Variants in PRAMEF1 observed in about 807,000 individuals in gnomAD.
PRAMEF1 encodes the protein PRAME family member 1.
A neutral mutation model predicts 38.2 loss-of-function variants in PRAMEF1; 21 were observed. The ratio of observed to expected loss-of-function variants is 0.55; its 90% CI spans 0.39 to 0.79. The LOEUF is 0.79. Ranked by LOEUF, PRAMEF1 falls within the 30% of genes least tolerant of loss-of-function variation. The pLI, the probability that PRAMEF1 is intolerant of heterozygous loss-of-function variation, is 0.00. For missense variants in PRAMEF1, 497 were observed against 565.8 expected (o/e 0.88, Z 1.23); for synonymous variants, 200 against 229.0 (o/e 0.87, Z 1.14).
rs1063780 is a variant in PRAMEF1, at chr1:12,794,400, A to G, written c.773A>G (p.Lys258Arg). The change falls in exon 3 of 4, where the codon AAA becomes AGA. Residue 258 changes from lysine to arginine, a missense_variant. Transcript: ENST00000332296. ...DNELEGRLVA[K>R]FSSVFLRLEH... is the part of the protein sequence containing the mutation. ...GAACTCGAAGGACGGTTAGTTGCCA[A>G]ATTCAGCTCTGTGTTCCTCAGGCTG... 7.4e-6 allele frequency: 12 copies of G among 1,610,790 alleles called. No individual in the cohort carries two copies. The highest frequency in any genetic ancestry group is 2.2e-5 in the East Asian group (1 of 44,502).
At position 12,795,604 on chromosome 1, in the gene PRAMEF1, G is replaced by A. The variant is rs762671268; in HGVS notation, c.1033G>A (p.Glu345Lys). 9.3e-6 allele frequency: 15 copies of A among 1,611,934 alleles called. No individual in the cohort carries two copies. Among genetic ancestry groups the A allele is most frequent in the Non-Finnish European group, 1.3e-5 (15 of 1,179,790 alleles). Residue 345 changes from glutamate to lysine, a missense_variant, in exon 4 of 4, where the codon GAG (glutamate) becomes AAG (lysine). By Grantham distance (56) the Glu-to-Lys change is moderately conservative. Around this residue, in one of 2 missense-constraint regions of PRAMEF1, gnomAD observed 470 missense variants for 501.9 expected, o/e 0.94. Coordinates refer to ENST00000332296, the MANE Select transcript of PRAMEF1 (RefSeq NM_023013.4). Reference sequence around the variant, plus strand: ...TCTTGAACCCCTCGGAGCTCTGCTGGAGAAAATTGCTGCCTCTCTCAAAAC... The same window carrying A: ...TCTTGAACCCCTCGGAGCTCTGCTGAAGAAAATTGCTGCCTCTCTCAAAAC... ...ISLEPLGALL[E>K]KIAASLKTLI...
Position 12,795,446 on chromosome 1 carries a change from A to G in PRAMEF1, c.875A>G (p.Gln292Arg). 6.2e-7 allele frequency: 1 copy of G among 1,611,452 alleles called. No homozygotes were observed. The highest frequency in any genetic ancestry group is 8.5e-7 in the Non-Finnish European group (1 of 1,178,562). ...GHLEQLIRCL[Q>R]NPLENLELTY... ...CTTCTTGATCTCCACAGGTGCCTCC[A>G]GAACCCCTTGGAGAACTTGGAATTA... The change falls in exon 4 of 4, where the codon CAG (glutamine) becomes CGG (arginine). Residue 292 changes from glutamine to arginine, a missense_variant. By Grantham distance (43) the Gln-to-Arg change is conservative. This residue lies in a region of PRAMEF1 where 470 missense variants were observed against 501.9 expected (regional missense o/e 0.94). Coordinates refer to ENST00000332296, the MANE Select transcript of PRAMEF1 (RefSeq NM_023013.4).
In PRAMEF1 at chr1:12,792,123, G is replaced by A. The variant is rs577006348; in HGVS notation, c.-26+649G>A. On this transcript the variant is annotated intron_variant, in intron 1 of 3. Coordinates refer to ENST00000332296, the MANE Select transcript of PRAMEF1 (RefSeq NM_023013.4). ...TGAAATTTCTGCCTCCTAGTTACAT[G>A]CGATTCTCCTGCTTCAGCCTCCTGA... Among the ~76,000 whole-genome samples, 433 of 150,900 alleles carry A rather than the reference G, an allele frequency of 2.9e-3. 13 individuals carry two copies. Among genetic ancestry groups the A allele is most frequent in the African/African-American group, 0.01 (418 of 41,212 alleles).
chr1:12,793,887 C>T (rs1639339589), intron 2 of PRAMEF1, 28 bp from the exon 3 acceptor site: 2 of 1,604,794 alleles, frequency 1.2e-6, no homozygotes, highest in African/African-American at 2.7e-5. Context: ...CTTCTAAATT[C>T]TGAGTCTCTC....
In PRAMEF1 at chr1:12,793,262, TG is replaced by T. The variant is rs1457906615; in HGVS notation, c.37del (p.Ala13GlnfsTer6). ...CAGGCCCCACCCAGACTACTGGAGC[TG>T]GCAGGGCAGAGCCTGCTGAGAGACC... ...SIQAPPRLLE[L>X]AGQSLLRDQA... On this transcript the variant is annotated frameshift_variant, in exon 2 of 4. Coordinates refer to ENST00000332296, the MANE Select transcript of PRAMEF1 (RefSeq NM_023013.4). LOFTEE classifies it high-confidence loss of function. 6.2e-7 allele frequency: 1 copy of T among 1,607,200 alleles called. No homozygotes were observed. The highest frequency in any genetic ancestry group is 8.5e-7 in the Non-Finnish European group (1 of 1,177,394).
At chr1:12,793,006 C>G (rs1639320871) in intron 1 of PRAMEF1, among the ~76,000 whole-genome samples, 197 bp from the exon 2 acceptor site, 1 of 150,932 alleles carries the variant, frequency 6.6e-6, no homozygotes, top group Non-Finnish European at 1.5e-5. Context: ...AGAGGTAGAG[C>G]TTGGCTTTCA....
In PRAMEF1 at chr1:12,794,319, TGAA is replaced by T; in HGVS notation, c.696_698del (p.Lys232del). ...AAGCTTCGTTGTTACCTGAAGGAGATGAAGAATCTTCGCAAACTCGTTTTCTCC... is the reference window on the plus strand; with the variant it reads ...AAGCTTCGTTGTTACCTGAAGGAGATGAATCTTCGCAAACTCGTTTTCTCC... On this transcript the variant is annotated inframe_deletion, in exon 3 of 4. Transcript: ENST00000332296. 1.9e-6 allele frequency: 3 copies of T among 1,612,206 alleles called. No individual in the cohort carries two copies. Among genetic ancestry groups the T allele is most frequent in the Non-Finnish European group, 2.5e-6 (3 of 1,179,062 alleles).
chr1:12,793,289 A>G lies in PRAMEF1; in HGVS notation c.62A>G (p.Gln21Arg). The change falls in exon 2 of 4, where the codon CAG becomes CGG. Residue 21 changes from glutamine to arginine, a missense_variant. Gln to Arg is a conservative substitution (Grantham distance 43). Transcript: ENST00000332296. Reference protein sequence around the residue: ...ELAGQSLLRDQALSISAMEEL... With the variant: ...ELAGQSLLRDRALSISAMEEL... ...GCAGGGCAGAGCCTGCTGAGAGACCAGGCCTTGTCCATCTCTGCCATGGAG... is the reference window on the plus strand; with the variant it reads ...GCAGGGCAGAGCCTGCTGAGAGACCGGGCCTTGTCCATCTCTGCCATGGAG... The G allele has an allele frequency of 6.2e-7, 1 of 1,607,914 alleles. No individual in the cohort carries two copies. The highest frequency in any genetic ancestry group is 8.5e-7 in the Non-Finnish European group (1 of 1,177,568).
chr1:12,795,628 A>C lies in PRAMEF1; in HGVS notation c.1057A>C (p.Thr353Pro). 6.2e-7 allele frequency: 1 copy of C among 1,611,226 alleles called. No homozygotes were observed. The highest frequency in any genetic ancestry group is 8.5e-7 in the Non-Finnish European group (1 of 1,179,614). ...LLEKIAASLKTLILEGCQIHY... is the reference protein window; with the variant it reads ...LLEKIAASLKPLILEGCQIHY... Reference sequence around the variant, plus strand: ...GGAGAAAATTGCTGCCTCTCTCAAAACCCTCATCTTGGAGGGCTGTCAGAT... The same window carrying C: ...GGAGAAAATTGCTGCCTCTCTCAAACCCCTCATCTTGGAGGGCTGTCAGAT... Residue 353 changes from threonine to proline, a missense_variant, in exon 4 of 4, where the codon ACC becomes CCC. Coordinates refer to ENST00000332296, the MANE Select transcript of PRAMEF1 (RefSeq NM_023013.4).
intron 3 of PRAMEF1, 123 bp downstream of exon 3, chr1:12,794,616 A>C: frequency 6.5e-7 from 1 of 1,532,110 alleles, no homozygotes; most frequent in South Asian, 1.3e-5. Flanking sequence ...GGGACATCAG[A>C]ATGTCAACAC....
chr1:12,794,741 A>T, intron 3 of PRAMEF1: 1 of 1,412,806 alleles, frequency 7.1e-7, no homozygotes, highest in South Asian at 1.4e-5. Flanking sequence ...CAAGCTAGTT[A>T]GTGGGGGTTT....
At position 12,796,623 on chromosome 1, in the gene PRAMEF1, A is replaced by T. The variant is rs538519215; in HGVS notation, c.*627A>T. The T allele has an allele frequency of 6.5e-6, 1 of 154,016 alleles. No individual in the cohort carries two copies. The highest frequency in any genetic ancestry group is 2.4e-5 in the African/African-American group (1 of 41,394). 9.5% of individuals were successfully genotyped at this position (154,016 alleles called of 1,614,324 possible). The stretch of plus-strand genomic sequence containing the variant: ...AAAGCAACCAAATAAAAATTAGATC[A>T]TTTTGAGTATTTCCCACCCATTCTT... On this transcript the variant is annotated 3_prime_UTR_variant, in exon 4 of 4. Coordinates refer to ENST00000332296, the MANE Select transcript of PRAMEF1 (RefSeq NM_023013.4).
intron 1 of PRAMEF1, among the ~76,000 whole-genome samples, chr1:12,792,070 T>C (rs1444573317): frequency 6.6e-6 from 1 of 151,170 alleles, no homozygotes; most frequent in Non-Finnish European, 1.5e-5. Flanking sequence ...TTGCCCAGGC[T>C]GCAGTGCCAT....
chr1:12,795,562 C>A lies in PRAMEF1; in HGVS notation c.991C>A (p.Leu331Met). The change falls in exon 4 of 4, where the codon CTG (leucine) becomes ATG (methionine). Residue 331 changes from leucine to methionine, a missense_variant. Physicochemically the swap from Leu to Met is conservative, Grantham distance 15 (BLOSUM62 2). Transcript: ENST00000332296. Reference sequence around the variant, plus strand: ...AAAGCATCTGAATCTCAGCTACGTGCTGCTGTTCCGCATCAGTCTTGAACC... The same window carrying A: ...AAAGCATCTGAATCTCAGCTACGTGATGCTGTTCCGCATCAGTCTTGAACC... The part of the protein sequence containing the change: ...YLKHLNLSYV[L>M]LFRISLEPLG... 1 of 1,612,436 alleles carries A rather than the reference C, an allele frequency of 6.2e-7. No homozygotes were observed. Among genetic ancestry groups the A allele is most frequent in the Non-Finnish European group, 8.5e-7 (1 of 1,179,776 alleles).
intron 3 of PRAMEF1, chr1:12,794,935 C>T (rs1461210570): frequency 7.5e-7 from 1 of 1,324,800 alleles, no homozygotes; most frequent in Non-Finnish European, 1.0e-6. Flanking sequence ...CTCTGATTCC[C>T]TGTTTGTAAA....
chr1:12,794,151 G>A lies in PRAMEF1; in HGVS notation c.524G>A (p.Arg175Lys), dbSNP rs777249235. ...CTCTTCCAGTGGGTTTACCAAAGGAGAGGTTTAGTACACCTGTGCTGTAGT... is the reference window on the plus strand; with the variant it reads ...CTCTTCCAGTGGGTTTACCAAAGGAAAGGTTTAGTACACCTGTGCTGTAGT... The part of the protein sequence containing the change: ...RYLFQWVYQR[R>K]GLVHLCCSKL... The change falls in exon 3 of 4, where the codon AGA becomes AAA. Residue 175 changes from arginine to lysine, a missense_variant. Physicochemically the swap from Arg to Lys is conservative, Grantham distance 26. This residue lies in a region of PRAMEF1 where 470 missense variants were observed against 501.9 expected (regional missense o/e 0.94). Transcript: ENST00000332296. 6.2e-7 allele frequency: 1 copy of A among 1,611,124 alleles called. No homozygotes were observed. The highest frequency in any genetic ancestry group is 8.5e-7 in the Non-Finnish European group (1 of 1,178,686).
chr1:12,793,315 G>A lies in PRAMEF1; in HGVS notation c.88G>A (p.Glu30Lys). The stretch of plus-strand genomic sequence containing the variant: ...GGCCTTGTCCATCTCTGCCATGGAG[G>A]AGCTGCCCAGGGTGCTCTATCTCCC... ...DQALSISAMEELPRVLYLPLF... is the reference protein window; with the variant it reads ...DQALSISAMEKLPRVLYLPLF... Residue 30 changes from glutamate (E) to lysine (K), a missense_variant, in exon 2 of 4, where the codon GAG (glutamate) becomes AAG (lysine). Glu to Lys is a moderately conservative substitution (Grantham distance 56). Coordinates refer to ENST00000332296, the MANE Select transcript of PRAMEF1 (RefSeq NM_023013.4). 6.2e-7 allele frequency: 1 copy of A among 1,608,636 alleles called. No homozygotes were observed. Among genetic ancestry groups the A allele is most frequent in the Non-Finnish European group, 8.5e-7 (1 of 1,177,774 alleles).
chr1:12,793,176 C>A, intron 1 of PRAMEF1, 27 bp from the exon 2 acceptor site: 1 of 1,602,144 alleles, frequency 6.2e-7, no homozygotes, highest in South Asian at 1.1e-5. Flanking sequence ...CTGAGAGTGA[C>A]ACATTTTCCC....
In PRAMEF1 at chr1:12,795,805, T is replaced by C. The variant is rs200506341; in HGVS notation, c.1234T>C (p.Tyr412His). ...GCTGAGCAAGTTAAGCCTGGAGACGTATCCTGCCCCTGAGGAGAGTTTGAA... is the reference window on the plus strand; with the variant it reads ...GCTGAGCAAGTTAAGCCTGGAGACGCATCCTGCCCCTGAGGAGAGTTTGAA... The part of the protein sequence containing the change: ...SGLSKLSLET[Y>H]PAPEESLNSL... Residue 412 changes from tyrosine to histidine, a missense_variant, in exon 4 of 4, where the codon TAT (tyrosine) becomes CAT (histidine). Coordinates refer to ENST00000332296, the MANE Select transcript of PRAMEF1 (RefSeq NM_023013.4). 20,138 of 1,558,526 alleles carry C rather than the reference T, an allele frequency of 0.013. 495 individuals carry two copies. Among genetic ancestry groups the C allele is most frequent in the East Asian group, 0.032 (1,339 of 42,494 alleles).
Sources: allele counts gnomAD v4.1 joint callset (sites outside exome capture counted in the v4.1 genomes callset), GRCh38; gene constraint gnomAD v4.1.1; regional missense constraint gnomAD v4.1.1; transcripts MANE v1.5; gene names NCBI Gene and HGNC (gene_info 2026-07-23, HGNC 2026-07-21).